Variants in DRC9 observed in about 807,000 individuals in gnomAD.
The protein encoded by DRC9 is dynein regulatory complex subunit 9, also known as dynein regulatory complex protein 9.
chr3:197,920,955 C>A, the DRC9 span, among the ~76,000 whole-genome samples: 3 of 152,242 alleles, frequency 2.0e-5, no homozygotes, highest in Admixed American at 6.5e-5. Flanking sequence ...CATTTTCTGA[C>A]CCACAGTTCC....
chr3:197,956,038 CA>C, the DRC9 span: 2 of 453,962 alleles, frequency 4.4e-6, no homozygotes, highest in Non-Finnish European at 8.1e-6. Flanking sequence ...GTGCTCGCTG[CA>C]GCCTCACATT....
chr3:197,903,370 G>C, the DRC9 span, among the ~76,000 whole-genome samples: 1 of 152,172 alleles, frequency 6.6e-6, no homozygotes, highest in African/African-American at 2.4e-5. Flanking sequence ...GCACAGGCCA[G>C]GTGTGGTGGC....
chr3:197,938,019 G>A, the DRC9 span, among the ~76,000 whole-genome samples: 14 of 151,924 alleles, frequency 9.2e-5, no homozygotes, highest in South Asian at 6.2e-4. Context: ...ATAAAAATTG[G>A]AAACAAAGAC....
the DRC9 span, among the ~76,000 whole-genome samples, chr3:197,917,629 G>T: frequency 6.6e-6 from 1 of 151,868 alleles, no homozygotes; most frequent in Non-Finnish European, 1.5e-5. Context: ...CTCAATAAAT[G>T]TTGATGAAAT....
the DRC9 span, chr3:197,912,775 C>A: frequency 3.8e-6 from 6 of 1,579,656 alleles, no homozygotes; most frequent in Non-Finnish European, 5.2e-6. Flanking sequence ...GATACCAGTA[C>A]GTCTTCCCCG....
chr3:197,950,458 G>T, the DRC9 span: 1 of 560,384 alleles, frequency 1.8e-6, no homozygotes, highest in Non-Finnish European at 2.5e-6. Context: ...TGAACGGAGT[G>T]AAACGATGTT....
the DRC9 span, among the ~76,000 whole-genome samples, chr3:197,926,821 G>C: frequency 6.6e-6 from 1 of 152,096 alleles, no homozygotes; most frequent in Non-Finnish European, 1.5e-5. Flanking sequence ...TCCTTCACTG[G>C]GGGTCAGCCT....
chr3:197,907,620 C>T, the DRC9 span, among the ~76,000 whole-genome samples: 1 of 152,264 alleles, frequency 6.6e-6, no homozygotes, highest in Non-Finnish European at 1.5e-5. Context: ...AGTTAGTTAT[C>T]TGAGTTTTAT....
chr3:197,894,135 C>G, the DRC9 span, among the ~76,000 whole-genome samples: 1 of 152,194 alleles, frequency 6.6e-6, no homozygotes, highest in Admixed American at 6.5e-5. Context: ...GAGCACAACT[C>G]TGGCACTGAA....
the DRC9 span, among the ~76,000 whole-genome samples, chr3:197,915,995 T>G: frequency 3.3e-5 from 5 of 152,258 alleles, no homozygotes; most frequent in Non-Finnish European, 4.4e-5. Context: ...AAAAAAATTT[T>G]TTTGTTTAGA....
the DRC9 span, among the ~76,000 whole-genome samples, chr3:197,909,809 A>G: frequency 6.6e-6 from 1 of 152,186 alleles, no homozygotes; most frequent in East Asian, 1.9e-4. Context: ...CCTGACCAAC[A>G]TGGTGAAACC....
chr3:197,915,513 G>C, the DRC9 span, among the ~76,000 whole-genome samples: 22 of 152,188 alleles, frequency 1.4e-4, no homozygotes, highest in Non-Finnish European at 2.8e-4. Context: ...GGCGGAATCA[G>C]TGTGTGAGTA....
the DRC9 span, among the ~76,000 whole-genome samples, chr3:197,920,164 G>A: frequency 8.5e-5 from 13 of 152,114 alleles, no homozygotes; most frequent in African/African-American, 1.2e-4. Context: ...AGCTGAGATC[G>A]CGGCACTGCA....
chr3:197,914,825 C>G, the DRC9 span, among the ~76,000 whole-genome samples: 2 of 152,064 alleles, frequency 1.3e-5, no homozygotes, highest in African/African-American at 4.8e-5. Context: ...CTCGGGAAAG[C>G]GATGGCTCAT....
At chr3:197,960,082 C>T in the DRC9 span, 1 of 697,222 alleles carries the variant, frequency 1.4e-6, no homozygotes, top group Non-Finnish European at 2.3e-6. Context: ...TGGACGTGAT[C>T]GCCGCCCTCA....
chr3:197,950,928 GT>G, the DRC9 span: 1 of 1,613,794 alleles, frequency 6.2e-7, no homozygotes, highest in African/African-American at 1.3e-5. Context: ...CTTTTTGTTT[GT>G]TTTAAGGCCT....
chr3:197,956,159 C>T, the DRC9 span: 1 of 250,410 alleles, frequency 4.0e-6, no homozygotes, highest in Admixed American at 4.9e-5. Flanking sequence ...CTGACTCTTG[C>T]CTATGCTGGC....
At chr3:197,915,660 G>A in the DRC9 span, among the ~76,000 whole-genome samples, 1 of 152,028 alleles carries the variant, frequency 6.6e-6, no homozygotes. Flanking sequence ...ATGGAGGCTC[G>A]CTCTTGTTGC....
At chr3:197,941,389 T>TTCCCA in the DRC9 span, among the ~76,000 whole-genome samples, 3 of 23,572 alleles carry the variant, frequency 1.3e-4, no homozygotes, top group East Asian at 1.8e-3. Context: ...CTCCCCTCCC[T>TTCCCA]TCCCCCTCCC....
Sources: gnomAD v4.1 joint callset for allele counts (sites outside exome capture counted in the v4.1 genomes callset) on GRCh38, gnomAD v4.1.1 for gene constraint, MANE v1.5 for transcripts, NCBI Gene and HGNC (gene_info 2026-07-23, HGNC 2026-07-21) for gene names.